Variants in TENM1 observed in about 807,000 individuals in gnomAD.
The protein encoded by TENM1 is teneurin-1.
TENM1 carries 35 observed loss-of-function variants against 174.8 expected under a neutral mutation model. The ratio of observed to expected loss-of-function variants is 0.20; its 90% CI spans 0.15 to 0.27. The LOEUF (loss-of-function observed/expected upper bound fraction) is 0.27. Among genes scored for constraint, TENM1 ranks in the 10% least tolerant of loss-of-function variants. The pLI, the probability that TENM1 is intolerant of heterozygous loss-of-function variation, is 1.00. For synonymous variants in TENM1, 781 were observed against 798.7 expected (o/e 0.98, Z 0.37); for missense variants, 1,633 against 2,130.1 (o/e 0.77, Z 4.59).
chrX:124,469,369 A>G (rs1055992425), intron 22 of TENM1, among the ~76,000 whole-genome samples: 3 of 111,874 alleles, frequency 2.7e-5, no homozygotes, highest in Non-Finnish European at 5.6e-5. Flanking sequence ...GCGTCATTTC[A>G]TCCTCTATAA....
intron 1 of TENM1, among the ~76,000 whole-genome samples, chrX:124,914,848 C>T (rs1008106744): frequency 1.3e-4 from 15 of 111,855 alleles, no homozygotes; most frequent in African/African-American, 4.5e-4. Flanking sequence ...ATCACATCAC[C>T]TCCCTTCAGT....
the TENM1 span, among the ~76,000 whole-genome samples, chrX:125,148,127 G>A: frequency 1.8e-5 from 2 of 110,902 alleles, no homozygotes; most frequent in Non-Finnish European, 3.8e-5. Flanking sequence ...CTACTAGCCC[G>A]TAATGCCTCA....
At chrX:124,592,695 T>TC (rs1217667819) in intron 11 of TENM1, among the ~76,000 whole-genome samples, 9 of 108,207 alleles carry the variant, frequency 8.3e-5, no homozygotes, top group African/African-American at 2.7e-4. Flanking sequence ...ACCCCACCGC[T>TC]CCCCTTGGCC....
At chrX:124,586,087 C>G (rs2049501575) in intron 11 of TENM1, among the ~76,000 whole-genome samples, 1 of 109,721 alleles carries the variant, frequency 9.1e-6, no homozygotes, top group South Asian at 3.9e-4. Flanking sequence ...GATGGATTCA[C>G]AGCCGAATTC....
chrX:124,826,042 T>G (rs1569456774), intron 3 of TENM1, among the ~76,000 whole-genome samples: 2 of 111,694 alleles, frequency 1.8e-5, no homozygotes, highest in South Asian at 3.8e-4. Flanking sequence ...GACCTATTAT[T>G]TTACTGCTGG....
intron 3 of TENM1, among the ~76,000 whole-genome samples, chrX:124,806,922 T>C (rs1280113795): frequency 9.0e-6 from 1 of 111,414 alleles, no homozygotes; most frequent in Admixed American, 9.5e-5. Flanking sequence ...CTAGGTAATA[T>C]ATAAAGAAAA....
At chrX:124,603,579 C>T (rs1043901975) in intron 11 of TENM1, among the ~76,000 whole-genome samples, 7 of 111,817 alleles carry the variant, frequency 6.3e-5, no homozygotes, top group Non-Finnish European at 1.3e-4. Context: ...ACCCACACAG[C>T]CTGATGCTGG....
At chrX:124,803,656 T>C (rs2055512498) in intron 3 of TENM1, among the ~76,000 whole-genome samples, 1 of 112,561 alleles carries the variant, frequency 8.9e-6, no homozygotes, top group Admixed American at 9.4e-5. Flanking sequence ...CCAACTACAC[T>C]GTAAGATTCA....
At position 124,962,856 on chromosome X, in the gene TENM1, A is replaced by G. The variant is rs187844800; in HGVS notation, c.217+681T>C. ...ACAAAACAAAACAAAACAAAACAAA[A>G]AAACAAAAAACCTTGTGCCAATGTC... On this transcript the variant is annotated intron_variant, in intron 1 of 31. Transcript: ENST00000422452. 7.8e-3 allele frequency among the ~76,000 whole-genome samples: 870 copies of G among 111,734 alleles called. 11 individuals carry two copies. The highest frequency in any genetic ancestry group is 0.027 in the African/African-American group (826 of 30,734).
intron 1 of TENM1, among the ~76,000 whole-genome samples, chrX:124,951,639 A>AATAT (rs1156297240): frequency 5.6e-4 from 35 of 63,016 alleles, no homozygotes; most frequent in Admixed American, 1.4e-3. Flanking sequence ...GAAAAGTTAA[A>AATAT]ATATATATAT....
the TENM1 span, among the ~76,000 whole-genome samples, chrX:125,127,112 A>C: frequency 4.5e-5 from 5 of 111,896 alleles, no homozygotes; most frequent in South Asian, 1.9e-3. Context: ...AGTCAAGGGC[A>C]CTTCCCTACT....
chrX:124,563,667 A>G (rs1355915617), intron 13 of TENM1, 82 bp downstream of exon 16: 1 of 807,978 alleles, frequency 1.2e-6, no homozygotes, highest in Non-Finnish European at 1.7e-6. Context: ...CAAATGCCAA[A>G]AAACGCTACC....
the TENM1 span, among the ~76,000 whole-genome samples, chrX:125,027,394 T>C: frequency 9.0e-6 from 1 of 111,585 alleles, no homozygotes; most frequent in African/African-American, 3.2e-5. Context: ...GCAAAAGTTA[T>C]TGAAGGACAT....
chrX:124,757,878 A>T lies in TENM1; in HGVS notation c.536-20681T>A, dbSNP rs751824066. 4.6e-3 allele frequency among the ~76,000 whole-genome samples: 517 copies of T among 112,454 alleles called. 2 individuals are homozygous for T. The highest frequency in any genetic ancestry group is 0.016 in the African/African-American group (487 of 30,994). On this transcript the variant is annotated intron_variant, in intron 3 of 31. Transcript: ENST00000422452. ...TCAATTTGTATAACATCTCCATTTGAAAGAACTGAAAATGTAAGACAAACA... is the reference window on the plus strand; with the variant it reads ...TCAATTTGTATAACATCTCCATTTGTAAGAACTGAAAATGTAAGACAAACA...
chrX:125,073,830 A>G, the TENM1 span, among the ~76,000 whole-genome samples: 1 of 111,757 alleles, frequency 8.9e-6, no homozygotes, highest in Non-Finnish European at 1.9e-5. Flanking sequence ...TACATCATTC[A>G]CCAGACCCCA....
the TENM1 span, among the ~76,000 whole-genome samples, chrX:125,159,964 TG>T: frequency 1.9e-5 from 2 of 106,426 alleles, no homozygotes; most frequent in Non-Finnish European, 3.9e-5. Flanking sequence ...CTTTGGGAGG[TG>T]GAGGCCGGCA....
the TENM1 span, among the ~76,000 whole-genome samples, chrX:125,014,804 A>G: frequency 3.6e-5 from 4 of 111,674 alleles, no homozygotes; most frequent in South Asian, 1.1e-3. Flanking sequence ...ATCATAATAT[A>G]ATTTTATATT....
chrX:124,421,713 A>G (rs1385353478), intron 24 of TENM1, among the ~76,000 whole-genome samples: 2 of 110,529 alleles, frequency 1.8e-5, no homozygotes, highest in Non-Finnish European at 3.8e-5. Flanking sequence ...TAGCAGACCA[A>G]TGTCCTGAGA....
rs142781182 is a variant in TENM1, at chrX:124,941,616, A to G, written c.217+21921T>C. Among the ~76,000 whole-genome samples the G allele has an allele frequency of 5.5e-3, 614 of 112,181 alleles. 1 individual carries two copies. Among genetic ancestry groups the G allele is most frequent in the Non-Finnish European group, 8.7e-3 (463 of 53,124 alleles). On this transcript the variant is annotated intron_variant, in intron 1 of 31. Coordinates refer to ENST00000422452, the Ensembl canonical transcript of TENM1. Reference sequence around the variant, plus strand: ...ATCTAACTTCAAATTAGATATTTCTATCTGGAGAAACTACAGCCCTGTGAA... The same window carrying G: ...ATCTAACTTCAAATTAGATATTTCTGTCTGGAGAAACTACAGCCCTGTGAA...
Sources: gnomAD v4.1 joint callset for allele counts (sites outside exome capture counted in the v4.1 genomes callset) on GRCh38, gnomAD v4.1.1 for gene constraint, MANE v1.5 for transcripts, NCBI Gene and HGNC (gene_info 2026-07-23, HGNC 2026-07-21) for gene names.